Variants in RYR3 observed in about 807,000 individuals in gnomAD.
The protein encoded by RYR3 is brain ryanodine receptor-calcium release channel.
Under a neutral mutation model 584.3 loss-of-function variants are expected in RYR3, and 207 were observed. The ratio of observed to expected loss-of-function variants is 0.35; its 90% CI spans 0.32 to 0.40. The LOEUF is 0.40. Ranked by LOEUF, RYR3 falls within the 10% of genes least tolerant of loss-of-function variation. RYR3 has a pLI of 1.00. For synonymous variants in RYR3, 2,416 were observed against 2,248.5 expected (o/e 1.07, Z -2.11); for missense variants, 5,616 against 6,089.2 (o/e 0.92, Z 2.59).
chr15:33,711,712 G>A (rs112314276), intron 43 of RYR3, among the ~76,000 whole-genome samples: 106 of 152,254 alleles, frequency 7.0e-4, no homozygotes, highest in African/African-American at 2.3e-3. Flanking sequence ...TTCCAAATAA[G>A]TTCCTCATTT....
intron 1 of RYR3, among the ~76,000 whole-genome samples, chr15:33,464,503 T>TATATATATATATATACACAC (rs1180164194): frequency 9.4e-6 from 1 of 105,940 alleles, no homozygotes; most frequent in African/African-American, 3.4e-5. Flanking sequence ...CATATATATA[T>TATATATATATATATACACAC]ACATACACAT....
At chr15:33,550,446 T>G (rs1277654228) in intron 10 of RYR3, 130 bp downstream of exon 10, 3 of 806,148 alleles carry the variant, frequency 3.7e-6, no homozygotes, top group African/African-American at 3.5e-5. Context: ...CTAAGATAGA[T>G]AAACACTTTC....
At chr15:33,326,555 A>G (rs188895740) in intron 1 of RYR3, among the ~76,000 whole-genome samples, 4 of 152,328 alleles carry the variant, frequency 2.6e-5, no homozygotes, top group Admixed American at 6.5e-5. Flanking sequence ...GGAACATTTG[A>G]ACTGGGGGTT....
At chr15:33,331,043 T>TTTGG (rs1013030536) in intron 1 of RYR3, among the ~76,000 whole-genome samples, 2 of 152,154 alleles carry the variant, frequency 1.3e-5, no homozygotes, top group South Asian at 4.1e-4. Flanking sequence ...TGTTTGTTTG[T>TTTGG]TTGGTTGGTT....
intron 5 of RYR3, among the ~76,000 whole-genome samples, chr15:33,538,566 A>G (rs1163224117): frequency 5.9e-5 from 9 of 152,180 alleles, no homozygotes; most frequent in African/African-American, 2.4e-5. Flanking sequence ...CTAATCTTCT[A>G]TAGCGTGGAG....
intron 3 of RYR3, among the ~76,000 whole-genome samples, chr15:33,530,030 A>G (rs187282468): frequency 1.3e-5 from 2 of 152,068 alleles, no homozygotes; most frequent in South Asian, 4.2e-4. Context: ...CAACTGAAGG[A>G]TCTATTTCTG....
intron 46 of RYR3, among the ~76,000 whole-genome samples, chr15:33,728,479 G>T (rs1199797225): frequency 6.6e-6 from 1 of 152,210 alleles, no homozygotes; most frequent in Non-Finnish European, 1.5e-5. Context: ...TTTCAACAAA[G>T]TACAAGCTGC....
intron 1 of RYR3, among the ~76,000 whole-genome samples, chr15:33,459,207 CA>C (rs1236027095): frequency 6.6e-6 from 1 of 152,184 alleles, no homozygotes; most frequent in Non-Finnish European, 1.5e-5. Context: ...GGTTGAGCCC[CA>C]CGGCTTCATA....
At chr15:33,547,938 A>G (rs1212069094) in intron 8 of RYR3, among the ~76,000 whole-genome samples, 192 bp from the exon 9 acceptor site, 3 of 152,114 alleles carry the variant, frequency 2.0e-5, no homozygotes, top group Non-Finnish European at 4.4e-5. Flanking sequence ...CCTCCCCTCT[A>G]GCTGCTTTGA....
rs368537521 is a variant in RYR3 at position 33,788,370 on chromosome 15, G to C, written c.9742G>C (p.Glu3248Gln). Residue 3248 changes from glutamate to glutamine, a missense_variant, in exon 67 of 104, where the codon GAA becomes CAA. Glu to Gln is a conservative substitution (Grantham distance 29). This residue lies in a region of RYR3 where 954 missense variants were observed against 1,132.2 expected (regional missense o/e 0.84). Transcript: ENST00000634891. Reference protein sequence around the residue: ...ADGKGDTQEAELLILDEFAVL... With the variant: ...ADGKGDTQEAQLLILDEFAVL... Reference sequence around the variant, plus strand: ...TGGCAAAGGGGACACCCAGGAGGCAGAACTCCTCATCCTGGACGAGTTCGC... The same window carrying C: ...TGGCAAAGGGGACACCCAGGAGGCACAACTCCTCATCCTGGACGAGTTCGC... 20 of 1,613,976 alleles carry C rather than the reference G, an allele frequency of 1.2e-5. No homozygotes were observed. In the African/African-American group the frequency reaches 2.0e-4, roughly 16 times the overall value.
intron 55 of RYR3, among the ~76,000 whole-genome samples, chr15:33,749,213 C>A (rs2071038651): frequency 6.6e-6 from 1 of 152,122 alleles, no homozygotes; most frequent in South Asian, 2.1e-4. Context: ...CATTGTAAGG[C>A]CCCCAAAACA....
At chr15:33,860,300 G>C (rs992011406) in intron 100 of RYR3, among the ~76,000 whole-genome samples, 2 of 152,084 alleles carry the variant, frequency 1.3e-5, no homozygotes, top group African/African-American at 2.4e-5. Context: ...CACACAGACT[G>C]AACACAAATA....
intron 60 of RYR3, among the ~76,000 whole-genome samples, chr15:33,767,306 C>A (rs6495238): frequency 0.072 from 10,205 of 141,522 alleles, 752 homozygotes; most frequent in African/African-American, 0.2. Flanking sequence ...TTTGCATCAA[C>A]TACCCGTCTC....
intron 1 of RYR3, among the ~76,000 whole-genome samples, chr15:33,436,849 A>G (rs2045771538): frequency 6.6e-6 from 1 of 152,128 alleles, no homozygotes; most frequent in Admixed American, 6.5e-5. Context: ...ATTAGCCTTT[A>G]AGTTATTTAT....
intron 43 of RYR3, among the ~76,000 whole-genome samples, chr15:33,719,070 A>C (rs894816396): frequency 1.3e-5 from 2 of 152,144 alleles, no homozygotes; most frequent in Admixed American, 6.5e-5. Flanking sequence ...CTCCCTCCTA[A>C]TCATGCCATC....
intron 67 of RYR3, among the ~76,000 whole-genome samples, chr15:33,789,991 T>G: frequency 1.1e-5 from 1 of 90,638 alleles, no homozygotes. Flanking sequence ...GCCTTCTTTT[T>G]TTTTTTTTTT....
chr15:33,807,632 C>T, intron 70 of RYR3, 63 bp downstream of exon 70: 1 of 1,476,722 alleles, frequency 6.8e-7, no homozygotes, highest in Non-Finnish European at 9.3e-7. Context: ...GGCTCTGGCC[C>T]CCTCTGCACT....
At chr15:33,566,986 C>A (rs1231631208) in intron 12 of RYR3, among the ~76,000 whole-genome samples, 187 bp downstream of exon 12, 1 of 152,178 alleles carries the variant, frequency 6.6e-6, no homozygotes, top group Non-Finnish European at 1.5e-5. Flanking sequence ...CTAGCTTCAC[C>A]CTTTGTTCAA....
intron 1 of RYR3, among the ~76,000 whole-genome samples, chr15:33,313,712 C>T (rs1967681590): frequency 6.6e-6 from 1 of 152,238 alleles, no homozygotes; most frequent in South Asian, 2.1e-4. Flanking sequence ...TCGACATGGT[C>T]CTGGATGAGA....
Sources: gnomAD v4.1 joint callset for allele counts (sites outside exome capture counted in the v4.1 genomes callset) on GRCh38, gnomAD v4.1.1 for gene constraint, gnomAD v4.1.1 regional missense constraint, MANE v1.5 for transcripts, NCBI Gene and HGNC (gene_info 2026-07-23, HGNC 2026-07-21) for gene names.